Variants in RBM46 observed in about 807,000 individuals in gnomAD.
RBM46 encodes the protein probable RNA-binding protein 46.
RBM46 carries 12 observed loss-of-function variants against 43.3 expected under a neutral mutation model. The ratio of observed to expected loss-of-function variants is 0.28; its 90% CI spans 0.18 to 0.45. The LOEUF is 0.45. Ranked by LOEUF, RBM46 falls within the 20% of genes least tolerant of loss-of-function variation. The probability of loss-of-function intolerance (pLI) is 1.00; values close to 1 mark genes in which losing one functional copy is unlikely to be tolerated. For missense variants in RBM46, 412 were observed against 639.1 expected (o/e 0.64, Z 3.83); for synonymous variants, 205 against 207.6 (o/e 0.99, Z 0.11).
intron 4 of RBM46, among the ~76,000 whole-genome samples, chr4:154,819,534 A>C (rs1735627113): frequency 6.6e-6 from 1 of 152,124 alleles, no homozygotes; most frequent in Non-Finnish European, 1.5e-5. Context: ...ATTTGAAACA[A>C]ATGTTTTTGT....
intron 4 of RBM46, among the ~76,000 whole-genome samples, chr4:154,815,497 G>T (rs1735389402): frequency 6.6e-6 from 1 of 151,824 alleles, no homozygotes; most frequent in African/African-American, 2.4e-5. Context: ...TTACATTTTG[G>T]ATATTCTGAT....
intron 1 of RBM46, among the ~76,000 whole-genome samples, chr4:154,787,572 C>A (rs180987833): frequency 2.0e-5 from 3 of 152,072 alleles, no homozygotes; most frequent in Admixed American, 6.6e-5. Flanking sequence ...TTTTCTTAAT[C>A]CAGTCTATCA....
intron 1 of RBM46, among the ~76,000 whole-genome samples, chr4:154,783,544 A>G (rs1336608827): frequency 2.0e-5 from 3 of 152,316 alleles, no homozygotes; most frequent in Middle Eastern, 6.8e-3. Flanking sequence ...TGTGATCTCT[A>G]TGTTCAAATT....
chr4:154,795,479 A>C (rs1436384656), intron 1 of RBM46, among the ~76,000 whole-genome samples: 3 of 152,152 alleles, frequency 2.0e-5, no homozygotes, highest in African/African-American at 7.2e-5. Context: ...TAGTAAAAAA[A>C]TCTATTAATG....
At chr4:154,815,814 A>G (rs982924294) in intron 4 of RBM46, among the ~76,000 whole-genome samples, 3 of 152,006 alleles carry the variant, frequency 2.0e-5, no homozygotes, top group Admixed American at 1.3e-4. Context: ...TACTTGTGCC[A>G]TTTGCATCCT....
At chr4:154,800,302 G>T (rs780556070) in intron 4 of RBM46, among the ~76,000 whole-genome samples, 3 of 152,164 alleles carry the variant, frequency 2.0e-5, no homozygotes, top group African/African-American at 7.2e-5. Context: ...TAGGGAGTTA[G>T]TAAAATCAGT....
At chr4:154,823,794 A>C (rs1735829255) in intron 4 of RBM46, among the ~76,000 whole-genome samples, 1 of 151,944 alleles carries the variant, frequency 6.6e-6, no homozygotes, top group Non-Finnish European at 1.5e-5. Context: ...CAGGCCTGAC[A>C]AGTATGTGGT....
At chr4:154,784,348 AT>A (rs1485039829) in intron 1 of RBM46, among the ~76,000 whole-genome samples, 1 of 152,126 alleles carries the variant, frequency 6.6e-6, no homozygotes, top group East Asian at 1.9e-4. Context: ...GTCTTTTTTC[AT>A]TAATATACTT....
chr4:154,792,877 G>A (rs892780635), intron 1 of RBM46, among the ~76,000 whole-genome samples: 1 of 152,178 alleles, frequency 6.6e-6, no homozygotes, highest in Admixed American at 6.5e-5. Flanking sequence ...TTTCTAAAGA[G>A]TTCAGATTTT....
intron 4 of RBM46, among the ~76,000 whole-genome samples, chr4:154,803,560 G>A (rs974976041): frequency 6.6e-6 from 1 of 151,684 alleles, no homozygotes; most frequent in East Asian, 1.9e-4. Context: ...AAAATTAGCC[G>A]GGCGTGGTGG....
chr4:154,805,150 G>A (rs1372632267), intron 4 of RBM46, among the ~76,000 whole-genome samples: 1 of 152,192 alleles, frequency 6.6e-6, no homozygotes, highest in Admixed American at 6.5e-5. Flanking sequence ...CATAATTTCA[G>A]TGTGACTTAG....
At chr4:154,811,326 C>G (rs1481253469) in intron 4 of RBM46, among the ~76,000 whole-genome samples, 1 of 152,122 alleles carries the variant, frequency 6.6e-6, no homozygotes, top group Non-Finnish European at 1.5e-5. Context: ...AGCTTCATTA[C>G]TTACTTGGGA....
intron 4 of RBM46, among the ~76,000 whole-genome samples, chr4:154,819,273 A>T (rs1308330335): frequency 6.6e-6 from 1 of 152,196 alleles, no homozygotes; most frequent in African/African-American, 2.4e-5. Context: ...TCTCTGTTAA[A>T]GTTTGTCTGT....
At chr4:154,781,825 A>T (rs1560885360) in intron 1 of RBM46, 1 of 152,304 alleles carries the variant, frequency 6.6e-6, no homozygotes, top group Non-Finnish European at 1.5e-5. Context: ...TGACACGCTT[A>T]CGCCGACGAC....
chr4:154,793,445 A>C (rs1241401330), intron 1 of RBM46, among the ~76,000 whole-genome samples: 1 of 152,226 alleles, frequency 6.6e-6, no homozygotes, highest in Admixed American at 6.5e-5. Context: ...CTCTAAAAGG[A>C]TAATTTCAGT....
At chr4:154,818,506 TCTA>T (rs1735573268) in intron 4 of RBM46, among the ~76,000 whole-genome samples, 1 of 152,178 alleles carries the variant, frequency 6.6e-6, no homozygotes, top group Non-Finnish European at 1.5e-5. Context: ...CCCAGCTACT[TCTA>T]CTATTTTCTT....
chr4:154,812,368 C>T (rs1735221708), intron 4 of RBM46, among the ~76,000 whole-genome samples: 1 of 152,042 alleles, frequency 6.6e-6, no homozygotes, highest in Admixed American at 6.6e-5. Context: ...TCTGAGTTAT[C>T]CTGAGTTAGA....
chr4:154,816,103 G>C (rs996486482), intron 4 of RBM46, among the ~76,000 whole-genome samples: 3 of 151,926 alleles, frequency 2.0e-5, no homozygotes, highest in Non-Finnish European at 4.4e-5. Context: ...CTATTCCATT[G>C]ATCTGTTTGT....
At chr4:154,805,236 C>CT (rs1734853820) in intron 4 of RBM46, among the ~76,000 whole-genome samples, 1 of 151,908 alleles carries the variant, frequency 6.6e-6, no homozygotes, top group Non-Finnish European at 1.5e-5. Context: ...TAAAACTTTG[C>CT]TTTTTTTTCT....
Sources: allele counts gnomAD v4.1 joint callset (sites outside exome capture counted in the v4.1 genomes callset), GRCh38; gene constraint gnomAD v4.1.1; transcripts MANE v1.5; gene names NCBI Gene and HGNC (gene_info 2026-07-23, HGNC 2026-07-21).